The following PRDM16 variants were observed in gnomAD, a reference collection of about 807,000 sequenced individuals.
PRDM16 encodes PR/SET domain 16.
PRDM16 carries 23 observed loss-of-function variants against 110.6 expected under a neutral mutation model. That is an observed-to-expected ratio of 0.21 (90% CI 0.15 to 0.29). The LOEUF is 0.29. PRDM16 is among the 10% of genes least tolerant of loss of function. PRDM16 has a pLI of 1.00. For synonymous variants in PRDM16, 799 were observed against 781.8 expected, an observed-to-expected ratio of 1.02 and a Z score of -0.37; for missense variants, 1,615 against 1,794.3, an observed-to-expected ratio of 0.90 and a Z score of 1.81.
At chr1:3,380,781 A>C (rs1449238983) in intron 3 of PRDM16, among the ~76,000 whole-genome samples, 1 of 152,198 alleles carries the variant, frequency 6.6e-6, no homozygotes, top group Non-Finnish European at 1.5e-5. Context: ...GGGGGGCATT[A>C]CAAGAAGGGA....
At chr1:3,331,610 AT>A (rs757442020) in intron 3 of PRDM16, among the ~76,000 whole-genome samples, 11 of 152,186 alleles carry the variant, frequency 7.2e-5, no homozygotes, top group Admixed American at 2.6e-4. Flanking sequence ...AAGGAAACAC[AT>A]TCGTCCAAAT....
intron 1 of PRDM16, among the ~76,000 whole-genome samples, chr1:3,074,324 T>C (rs1325220641): frequency 6.6e-6 from 1 of 152,086 alleles, no homozygotes; most frequent in Non-Finnish European, 1.5e-5. Context: ...TGAAATTCAG[T>C]GGAATGAAGA....
intron 10 of PRDM16, 70 bp from the exon 11 acceptor site, chr1:3,417,758 C>T (rs781520078): frequency 4.5e-6 from 6 of 1,334,172 alleles, no homozygotes; most frequent in Non-Finnish European, 6.5e-6. Flanking sequence ...ACAGAACCCC[C>T]AGCAGTGCGT....
chr1:3,144,216 T>TG (rs532590355), intron 1 of PRDM16, among the ~76,000 whole-genome samples: 493 of 152,192 alleles, frequency 3.2e-3, no homozygotes, highest in Admixed American at 5.0e-3. Context: ...GCACCATCAC[T>TG]GCCCTGGATG....
rs549967077 is a variant in PRDM16 at position 3,420,950 on chromosome 1, G to A, written c.2939+2206G>A. The stretch of plus-strand genomic sequence containing the variant: ...TGCCCGGGACTCCTGCTGGGACCGA[G>A]ATTCCTGCCTCAGGGCTGCTGACTC... On this transcript the variant is annotated intron_variant, in intron 12 of 16. Coordinates refer to ENST00000270722, the MANE Select transcript of PRDM16 (RefSeq NM_022114.4). Among the ~76,000 whole-genome samples, 4 of 152,176 alleles carry A rather than the reference G, an allele frequency of 2.6e-5. No individual in the cohort carries two copies. The South Asian group carries it at 8.3e-4, about 32-fold the overall frequency.
chr1:3,327,661 G>A (rs1252211780), intron 3 of PRDM16, among the ~76,000 whole-genome samples: 1 of 137,850 alleles, frequency 7.3e-6, no homozygotes, highest in East Asian at 2.0e-4. Context: ...CAGTGGCAGG[G>A]ATGGGCACAG....
intron 3 of PRDM16, among the ~76,000 whole-genome samples, chr1:3,289,430 C>T (rs954083708): frequency 6.6e-6 from 1 of 152,362 alleles, no homozygotes; most frequent in East Asian, 1.9e-4. Context: ...CTGCCTGCAG[C>T]GAGTTCCCAC....
Position 3,255,735 on chromosome 1 carries a change from A to G in PRDM16, c.438+11598A>G, listed in dbSNP as rs1166588826. Among the ~76,000 whole-genome samples, 1 of 152,162 alleles carries G rather than the reference A, an allele frequency of 6.6e-6. No individual in the cohort carries two copies. Among genetic ancestry groups the G allele is most frequent in the Non-Finnish European group, 1.5e-5 (1 of 68,030 alleles). ...GCCAGAGCTATCTGGGAGTTGTGAA[A>G]TATTCCTGGTGGCAGCAGAAGAAGA... On this transcript the variant is annotated intron_variant, in intron 3 of 16. Transcript: ENST00000270722. This position sits in a 1 kb window ranked among gnomAD's most constrained non-coding sequence, Gnocchi z 4.7.
rs1642459841 is a variant in PRDM16 at position 3,350,423 on chromosome 1, CTCTACTGCTCCG to C, written c.439-34725_439-34714del. Among the ~76,000 whole-genome samples, 1 of 152,220 alleles carries C rather than the reference CTCTACTGCTCCG, an allele frequency of 6.6e-6. No homozygotes were observed. The highest frequency in any genetic ancestry group is 1.5e-5 in the Non-Finnish European group (1 of 68,026). ...AGCCACCCCCTCTTTCCCTCCTGGG[CTCTACTGCTCCG>C]TCTGTGCAGCCTGGGGCTGCAGTCA... On this transcript the variant is annotated intron_variant, in intron 3 of 16. Transcript: ENST00000270722. This position sits in a 1 kb window ranked among gnomAD's most constrained non-coding sequence, Gnocchi z 7.1.
chr1:3,143,768 C>T lies in PRDM16; in HGVS notation c.38-42357C>T, dbSNP rs1736521. On this transcript the variant is annotated intron_variant, in intron 1 of 16. Transcript: ENST00000270722. This position sits in a 1 kb window ranked among gnomAD's most constrained non-coding sequence, Gnocchi z 4.5. ...CTGGGATCACAGGCTTGAGCCACCG[C>T]GTCCGGCTTATTCTTTTTTTCTAAA... Among the ~76,000 whole-genome samples, 76 of 152,324 alleles carry T rather than the reference C, an allele frequency of 5.0e-4. No homozygotes were observed. Among genetic ancestry groups the T allele is most frequent in the African/African-American group, 9.9e-4 (41 of 41,570 alleles).
chr1:3,069,577 G>A lies in PRDM16; in HGVS notation c.37+281G>A, dbSNP rs111884438. ...CACCAGTGTCAGGCGCTCGGGCCCG[G>A]GAACCCGAGGCGCGCGGTGGGGGCC... On this transcript the variant is annotated intron_variant, in intron 1 of 16. Transcript: ENST00000270722. The surrounding 1 kb of genome is among the most constrained non-coding windows in gnomAD (Gnocchi z 6.1). 3.3e-3 allele frequency among the ~76,000 whole-genome samples: 488 copies of A among 149,714 alleles called. 6 individuals are homozygous for A. The highest frequency in any genetic ancestry group is 2.1e-3 in the Non-Finnish European group (137 of 66,576).
At chr1:3,146,518 C>T (rs190285833) in intron 1 of PRDM16, among the ~76,000 whole-genome samples, 144 of 139,892 alleles carry the variant, frequency 1.0e-3, no homozygotes, top group Middle Eastern at 4.3e-3. Flanking sequence ...TGTGTGTGCT[C>T]GGTGTGGGGT....
At chr1:3,222,395 C>A (rs1319936489) in intron 2 of PRDM16, among the ~76,000 whole-genome samples, 1 of 152,168 alleles carries the variant, frequency 6.6e-6, no homozygotes, top group Non-Finnish European at 1.5e-5. Flanking sequence ...CTCTTTTTTG[C>A]TGAGGAAGGT....
chr1:3,149,679 C>A (rs148441937), intron 1 of PRDM16, among the ~76,000 whole-genome samples: 5 of 152,232 alleles, frequency 3.3e-5, no homozygotes, highest in Non-Finnish European at 7.3e-5. Context: ...TTAGGGAATG[C>A]CCTTTTATGC....
At chr1:3,118,837 T>C (rs997070558) in intron 1 of PRDM16, among the ~76,000 whole-genome samples, 8 of 152,224 alleles carry the variant, frequency 5.3e-5, no homozygotes, top group African/African-American at 1.9e-4. Context: ...TGTGTGCACT[T>C]GCAGGTGTTT....
chr1:3,137,934 A>T (rs112110183), intron 1 of PRDM16, among the ~76,000 whole-genome samples: 27 of 152,274 alleles, frequency 1.8e-4, no homozygotes, highest in African/African-American at 6.0e-4. Context: ...CCCACGATGC[A>T]TTTGAGGCCA....
intron 8 of PRDM16, among the ~76,000 whole-genome samples, chr1:3,410,512 G>A (rs752385442): frequency 1.3e-5 from 2 of 152,214 alleles, no homozygotes; most frequent in Non-Finnish European, 2.9e-5. Context: ...ATCTCCAAAG[G>A]GTAGTTGAGT....
Position 3,290,146 on chromosome 1 carries a change from G to A in PRDM16, c.438+46009G>A, listed in dbSNP as rs540889954. On this transcript the variant is annotated intron_variant, in intron 3 of 16. Transcript: ENST00000270722. The surrounding 1 kb of genome is among the most constrained non-coding windows in gnomAD (Gnocchi z 4.8). ...TCATGCTGATGTGACAAACCCGGGC[G>A]CTGTTCTCCTGGGTATCACACCCTA... Among the ~76,000 whole-genome samples the A allele has an allele frequency of 6.6e-6, 1 of 152,328 alleles. No individual in the cohort carries two copies. Among genetic ancestry groups the A allele is most frequent in the East Asian group, 1.9e-4 (1 of 5,184 alleles).
At chr1:3,264,817 AT>A (rs1275342561) in intron 3 of PRDM16, among the ~76,000 whole-genome samples, 1 of 152,144 alleles carries the variant, frequency 6.6e-6, no homozygotes, top group Non-Finnish European at 1.5e-5. Context: ...GGAACAGAAG[AT>A]AACAAACAGA....
Sources: allele counts gnomAD v4.1 joint callset (sites outside exome capture counted in the v4.1 genomes callset), GRCh38; gene constraint gnomAD v4.1.1; non-coding constraint Gnocchi (gnomAD v3.1); transcripts MANE v1.5; gene names NCBI Gene and HGNC (gene_info 2026-07-23, HGNC 2026-07-21).